Variants in TOP3B observed in about 807,000 individuals in gnomAD.
TOP3B encodes the protein DNA topoisomerase 3-beta-1.
Under a neutral mutation model 93.9 loss-of-function variants are expected in TOP3B, and 45 were observed. The observed-to-expected ratio is 0.48, with a 90% CI of 0.38 to 0.61. The LOEUF is 0.61. Ranked by LOEUF, TOP3B falls within the 20% of genes least tolerant of loss-of-function variation. The pLI, the probability that TOP3B is intolerant of heterozygous loss-of-function variation, is 0.00. For synonymous variants in TOP3B, 357 were observed against 472.6 expected (o/e 0.76, Z 3.17); for missense variants, 750 against 1,156.1 (o/e 0.65, Z 5.09).
In TOP3B at chr22:21,963,033, G is replaced by A. The variant is rs2071260847; in HGVS notation, c.1205-140C>T. 9.4e-7 allele frequency: 1 copy of A among 1,062,480 alleles called. No individual in the cohort carries two copies. 65.8% of individuals were successfully genotyped at this position (1,062,480 alleles called of 1,614,324 possible). ...CACACTGCAAATCCTGGGGAAGGAG[G>A]AAAGAAAATGTGCAGGAAGGCCGGG... On this transcript the variant is annotated intron_variant, in intron 11 of 17. Transcript: ENST00000357179. The surrounding 1 kb of genome is among the most constrained non-coding windows in gnomAD (Gnocchi z 4.8).
chr22:21,958,661 G>A lies in TOP3B; in HGVS notation c.1938C>T (p.Cys646=), dbSNP rs529473377. Residue 646 remains cysteine, a synonymous_variant, in exon 17 of 18, where the codon TGC becomes TGT. Transcript: ENST00000357179. ...TCTGGGGGAGCGTGTAGGTCTCATC[G>A]CAGTGGGAGCAGTGCAGGCGGCTTG... ...AKPSRLHCSH[C]DETYTLPQNG... 6.8e-6 allele frequency: 11 copies of A among 1,611,196 alleles called. No homozygotes were observed. In the East Asian group the frequency reaches 8.9e-5, roughly 13 times the overall value.
rs1307180704 is a variant in TOP3B, at chr22:21,967,690, G to C, written c.765C>G (p.Leu255=). The C allele has an allele frequency of 6.2e-7, 1 of 1,613,962 alleles. No individual in the cohort carries two copies. The highest frequency in any genetic ancestry group is 8.5e-7 in the Non-Finnish European group (1 of 1,179,988). ...CTCTTACTCGGTCCCAGTCCAAAAGGAGAGATCTGTCTTTGTCAGTGTTAA... is the reference window on the plus strand; with the variant it reads ...CTCTTACTCGGTCCCAGTCCAAAAGCAGAGATCTGTCTTTGTCAGTGTTAA... The part of the protein sequence containing the change: ...AKVNTDKDRS[L]LLDWDRVRVF... The change falls in exon 8 of 18, where the codon CTC becomes CTG. Residue 255 remains leucine, a synonymous_variant. Transcript: ENST00000357179.
chr22:21,972,511 G>T, intron 4 of TOP3B, 101 bp downstream of exon 4: 1 of 923,050 alleles, frequency 1.1e-6, no homozygotes. Flanking sequence ...AGGCCCCCCT[G>T]TCCAAGGGGG....
intron 7 of TOP3B, 41 bp from the exon 8 acceptor site, chr22:21,967,757 T>A (rs779584586): frequency 4.6e-6 from 7 of 1,536,558 alleles, no homozygotes. Flanking sequence ...CAAGAAAAAG[T>A]CTCCAGGTGA....
chr22:21,974,198 A>AC, intron 3 of TOP3B, 159 bp downstream of exon 3: 1 of 922,642 alleles, frequency 1.1e-6, no homozygotes, highest in Non-Finnish European at 1.6e-6. Flanking sequence ...TGGGCACCGC[A>AC]CCAGGGACCC....
Position 21,963,911 on chromosome 22 carries a change from T to A in TOP3B, c.1204+12A>T. ...CCCTGGAAGCACACCGGGTATGGGA[T>A]GAGAGCGGTACCTAATTCGGCCTCT... On this transcript the variant is annotated intron_variant, in intron 11 of 17. Transcript: ENST00000357179. The surrounding 1 kb of genome is among the most constrained non-coding windows in gnomAD (Gnocchi z 4.8). 1 of 1,612,958 alleles carries A rather than the reference T, an allele frequency of 6.2e-7. No homozygotes were observed. The highest frequency in any genetic ancestry group is 1.7e-5 in the Admixed American group (1 of 59,984).
rs2071636497 is a variant in TOP3B at position 21,971,468 on chromosome 22, G to A, written c.384+409C>T. The A allele has an allele frequency of 3.0e-6, 1 of 330,420 alleles. No individual in the cohort carries two copies. The highest frequency in any genetic ancestry group is 2.2e-5 in the African/African-American group (1 of 46,106). 20.5% of individuals were successfully genotyped at this position (330,420 alleles called of 1,614,324 possible). On this transcript the variant is annotated intron_variant, in intron 5 of 17. Coordinates refer to ENST00000357179, the MANE Select transcript of TOP3B (RefSeq NM_001282112.2). The surrounding 1 kb of genome is among the most constrained non-coding windows in gnomAD (Gnocchi z 4.6). ...AGGCATCCTGGATGAGGCAGGAGAT[G>A]AGCAGAGCGAGGCCTGCAAAAGGAG... is the stretch of plus-strand genomic sequence containing the variant.
chr22:21,968,136 C>T, intron 7 of TOP3B: 1 of 252,306 alleles, frequency 4.0e-6, no homozygotes, highest in Non-Finnish European at 7.7e-6. Context: ...GATCGTAGCT[C>T]ACTGTAGCCT....
In TOP3B at chr22:21,970,977, C is replaced by A; in HGVS notation, c.385-571G>T. On this transcript the variant is annotated intron_variant, in intron 5 of 17. Transcript: ENST00000357179. The surrounding 1 kb of genome is among the most constrained non-coding windows in gnomAD (Gnocchi z 4.4). Reference sequence around the variant, plus strand: ...CAGCAGGGGTCCTGGAGCCGAGACTCACTAGGAAGGCCGTGCAGTGGGACT... The same window carrying A: ...CAGCAGGGGTCCTGGAGCCGAGACTAACTAGGAAGGCCGTGCAGTGGGACT... The A allele has an allele frequency of 8.0e-7, 1 of 1,255,424 alleles. No individual in the cohort carries two copies. The highest frequency in any genetic ancestry group is 1.0e-6 in the Non-Finnish European group (1 of 961,696). The allele number at this position is 1,255,424 out of a possible 1,614,324, so 77.8% of individuals were successfully genotyped here.
At chr22:21,978,940 G>A (rs1446474880) in intron 1 of TOP3B, among the ~76,000 whole-genome samples, 3 of 152,176 alleles carry the variant, frequency 2.0e-5, no homozygotes, top group African/African-American at 7.2e-5. Flanking sequence ...AGGAACTGCT[G>A]CAGTGATGGC....
At position 21,963,870 on chromosome 22, in the gene TOP3B, C is replaced by T. The variant is rs1366777543; in HGVS notation, c.1204+53G>A. ...ACAGGGCCTGCAACCTTCACTGTCGCAGCTCGCCCTTCCCTCCCTGGAAGC... is the reference window on the plus strand; with the variant it reads ...ACAGGGCCTGCAACCTTCACTGTCGTAGCTCGCCCTTCCCTCCCTGGAAGC... On this transcript the variant is annotated intron_variant, in intron 11 of 17. Coordinates refer to ENST00000357179, the MANE Select transcript of TOP3B (RefSeq NM_001282112.2). The surrounding 1 kb of genome is among the most constrained non-coding windows in gnomAD (Gnocchi z 4.8). 1.9e-6 allele frequency: 3 copies of T among 1,585,984 alleles called. No individual in the cohort carries two copies. Among genetic ancestry groups the T allele is most frequent in the Non-Finnish European group, 2.6e-6 (3 of 1,158,082 alleles).
At position 21,971,151 on chromosome 22, in the gene TOP3B, G is replaced by A. The variant is rs2071621832; in HGVS notation, c.384+726C>T. 4.7e-6 allele frequency: 4 copies of A among 842,606 alleles called. No homozygotes were observed. In the South Asian group the frequency reaches 5.9e-5, roughly 12 times the overall value. The allele number at this position is 842,606 out of a possible 1,614,324, so 52.2% of individuals were successfully genotyped here. A position where few individuals can be genotyped will look rare whatever the true frequency, so the allele number is the denominator to read the frequency against. On this transcript the variant is annotated intron_variant, in intron 5 of 17. Coordinates refer to ENST00000357179, the MANE Select transcript of TOP3B (RefSeq NM_001282112.2). This position sits in a 1 kb window ranked among gnomAD's most constrained non-coding sequence, Gnocchi z 4.6. The stretch of plus-strand genomic sequence containing the variant: ...AGGAGCCGCCCTGCAGGGGAGGAGA[G>A]GGTATCTGGGAAGAGACAGAGTGTG...
rs553898874 is a variant in TOP3B, at chr22:21,969,449, A to T, written c.582-674T>A. The T allele has an allele frequency of 2.0e-5, 3 of 152,132 alleles. No homozygotes were observed. The East Asian group carries it at 5.8e-4, about 29-fold the overall frequency. 9.4% of individuals were successfully genotyped at this position (152,132 alleles called of 1,614,324 possible). On this transcript the variant is annotated intron_variant, in intron 6 of 17. Transcript: ENST00000357179. ...AACCCCGTCTCTACTAAAAGTATAA[A>T]AATTAGCCGGGAGTGGTGGCAGGAG...
chr22:21,965,389 C>T lies in TOP3B; in HGVS notation c.853-14G>A, dbSNP rs2071377117. 3.8e-6 allele frequency: 6 copies of T among 1,580,096 alleles called. No homozygotes were observed. The highest frequency in any genetic ancestry group is 5.2e-6 in the Non-Finnish European group (6 of 1,158,408). On this transcript the variant is annotated splice_polypyrimidine_tract_variant and intron_variant, in intron 8 of 17. Transcript: ENST00000357179. Reference sequence around the variant, plus strand: ...TGTGGCCTCCACCTGGAAGACAGGACAGTCAATGATTTGGGGAAGGAGGAA... The same window carrying T: ...TGTGGCCTCCACCTGGAAGACAGGATAGTCAATGATTTGGGGAAGGAGGAA...
intron 1 of TOP3B, among the ~76,000 whole-genome samples, chr22:21,981,630 C>T (rs1002120032): frequency 6.6e-6 from 1 of 152,118 alleles, no homozygotes; most frequent in African/African-American, 2.4e-5. Flanking sequence ...AGCCTGGTCT[C>T]TACTAAAAAT....
At position 21,972,718 on chromosome 22, in the gene TOP3B, C is replaced by G; in HGVS notation, c.203G>C (p.Gly68Ala). 2 of 1,612,870 alleles carry G rather than the reference C, an allele frequency of 1.2e-6. No homozygotes were observed. Among genetic ancestry groups the G allele is most frequent in the Non-Finnish European group, 8.5e-7 (1 of 1,179,154 alleles). ...CACTTTGTCCCATTTGTTGTATTTT[C>G]CTACAAACCAGTCACAGTGACATTG... Reference protein sequence around the residue: ...CGHVMTLDFLGKYNKWDKVDP... With the variant: ...CGHVMTLDFLAKYNKWDKVDP... Residue 68 changes from glycine to alanine, a missense_variant and splice_region_variant, in exon 4 of 18, where the codon GGA becomes GCA. This residue lies in a region of TOP3B where 737 missense variants were observed against 933.7 expected (regional missense o/e 0.79). Transcript: ENST00000357179.
chr22:21,975,939 G>C (rs2071851763), intron 1 of TOP3B, 132 bp from the exon 2 acceptor site: 1 of 481,372 alleles, frequency 2.1e-6, no homozygotes, highest in Admixed American at 4.7e-5. Flanking sequence ...GGGAATTAGG[G>C]AAACTTGAAG....
intron 13 of TOP3B, chr22:21,960,724 AC>A: frequency 2.2e-6 from 1 of 456,328 alleles, no homozygotes. Context: ...AGGTTAAGGA[AC>A]TCTCCAAGGT....
chr22:21,965,034 C>T (rs1005650981), intron 9 of TOP3B: 4 of 368,132 alleles, frequency 1.1e-5, no homozygotes, highest in African/African-American at 8.4e-5. Flanking sequence ...CACTGGTTCC[C>T]TGAAGGTGAC....
Sources: gnomAD v4.1 joint callset for allele counts (sites outside exome capture counted in the v4.1 genomes callset) on GRCh38, gnomAD v4.1.1 for gene constraint, gnomAD v4.1.1 regional missense constraint, Gnocchi (gnomAD v3.1) non-coding constraint, MANE v1.5 for transcripts, NCBI Gene and HGNC (gene_info 2026-07-23, HGNC 2026-07-21) for gene names.